Variants in BRINP1 observed in about 807,000 individuals in gnomAD.
BRINP1 encodes BMP/retinoic acid inducible neural specific 1, also known as BMP/retinoic acid-inducible neural-specific protein 1.
Under a neutral mutation model 72.9 loss-of-function variants are expected in BRINP1, and 17 were observed. The observed-to-expected ratio is 0.23, with a 90% CI of 0.16 to 0.35. The LOEUF (loss-of-function observed/expected upper bound fraction) is 0.35. Ranked by LOEUF, BRINP1 falls within the 10% of genes least tolerant of loss-of-function variation. The pLI, the probability that BRINP1 is intolerant of heterozygous loss-of-function variation, is 1.00. For synonymous variants in BRINP1, 418 were observed against 378.5 expected (o/e 1.10, Z -1.21); for missense variants, 850 against 1,001.6 (o/e 0.85, Z 2.04).
intron 3 of BRINP1, among the ~76,000 whole-genome samples, chr9:119,244,897 G>A (rs1434543543): frequency 6.6e-6 from 1 of 152,168 alleles, no homozygotes; most frequent in Non-Finnish European, 1.5e-5. Flanking sequence ...AAGAAAAGGG[G>A]ACTCTCAAAG....
chr9:119,212,953 C>T (rs1002304196), intron 6 of BRINP1, among the ~76,000 whole-genome samples: 1 of 152,184 alleles, frequency 6.6e-6, no homozygotes, highest in African/African-American at 2.4e-5. Context: ...GACAATCTAA[C>T]ATCAAGCTCT....
intron 5 of BRINP1, among the ~76,000 whole-genome samples, chr9:119,219,663 GA>G (rs1830017975): frequency 8.8e-6 from 1 of 113,038 alleles, no homozygotes; most frequent in African/African-American, 4.7e-5. Context: ...GAGAGAGAGA[GA>G]GAGAGAGAGA....
chr9:119,175,130 AAAGAC>A (rs1187572635), intron 7 of BRINP1, among the ~76,000 whole-genome samples: 8 of 150,344 alleles, frequency 5.3e-5, no homozygotes, highest in Non-Finnish European at 8.8e-5. Flanking sequence ...AAAAAAAAAA[AAAGAC>A]AAAAAAAAAA....
intron 1 of BRINP1, among the ~76,000 whole-genome samples, chr9:119,336,998 G>A (rs1831352435): frequency 6.6e-6 from 1 of 151,972 alleles, no homozygotes. Context: ...GAGGGAGAAG[G>A]GGCCAACCTC....
intron 2 of BRINP1, among the ~76,000 whole-genome samples, chr9:119,297,752 T>C (rs1830895255): frequency 6.6e-6 from 1 of 152,184 alleles, no homozygotes; most frequent in South Asian, 2.1e-4. Flanking sequence ...GGGCTAATTA[T>C]ACGGTAAGAC....
At chr9:119,280,461 G>A (rs1830699280) in intron 2 of BRINP1, among the ~76,000 whole-genome samples, 1 of 151,394 alleles carries the variant, frequency 6.6e-6, no homozygotes, top group African/African-American at 2.4e-5. Flanking sequence ...AGCCAGGATG[G>A]TCTCCATCTC....
At chr9:119,198,832 A>G (rs1829774147) in intron 7 of BRINP1, among the ~76,000 whole-genome samples, 1 of 151,930 alleles carries the variant, frequency 6.6e-6, no homozygotes, top group Non-Finnish European at 1.5e-5. Flanking sequence ...TCACCACGCC[A>G]GGCTGATTTT....
intron 1 of BRINP1, among the ~76,000 whole-genome samples, chr9:119,365,876 C>T (rs551085840): frequency 3.9e-5 from 6 of 152,052 alleles, no homozygotes; most frequent in East Asian, 3.9e-4. Context: ...CATCTAGCCC[C>T]GGAAAATCCT....
chr9:119,242,102 C>T lies in BRINP1; in HGVS notation c.524G>A (p.Arg175His), dbSNP rs151157979. ...ATGAAGCCTCCTCATGGTACCATCA[C>T]GGTCAACAAAGTAGGATGATGCGAG... is the stretch of plus-strand genomic sequence containing the variant. The part of the protein sequence containing the change: ...HQLASSYFVD[R>H]DGTMRRLHEI... Residue 175 changes from arginine to histidine, a missense_variant, in exon 4 of 8, where the codon CGT becomes CAT. Transcript: ENST00000265922. 83 of 1,614,098 alleles carry T rather than the reference C, an allele frequency of 5.1e-5. No homozygotes were observed. The East Asian group carries it at 6.0e-4, about 12-fold the overall frequency.
At chr9:119,169,874 T>G (rs2118818431) in intron 7 of BRINP1, among the ~76,000 whole-genome samples, 1 of 152,260 alleles carries the variant, frequency 6.6e-6, no homozygotes, top group South Asian at 2.1e-4. Context: ...AGGGGCACAC[T>G]GACACGTCAC....
intron 7 of BRINP1, among the ~76,000 whole-genome samples, chr9:119,188,684 A>T (rs1442886237): frequency 6.6e-6 from 1 of 152,140 alleles, no homozygotes; most frequent in African/African-American, 2.4e-5. Flanking sequence ...TGGGAGGCTG[A>T]GGTGGGAGGA....
chr9:119,350,791 C>T (rs959020625), intron 1 of BRINP1, among the ~76,000 whole-genome samples: 3 of 152,028 alleles, frequency 2.0e-5, no homozygotes, highest in Admixed American at 6.6e-5. Flanking sequence ...AACTGTAATA[C>T]CTGCTTCATG....
chr9:119,264,413 G>T (rs1456334043), intron 2 of BRINP1, among the ~76,000 whole-genome samples: 1 of 152,174 alleles, frequency 6.6e-6, no homozygotes, highest in Non-Finnish European at 1.5e-5. Flanking sequence ...CAAAGTGTGA[G>T]TTGGCTCATG....
chr9:119,307,433 C>G (rs1831009851), intron 2 of BRINP1, among the ~76,000 whole-genome samples: 1 of 152,078 alleles, frequency 6.6e-6, no homozygotes, highest in African/African-American at 2.4e-5. Flanking sequence ...GTTTGTATAT[C>G]TATACCACAG....
chr9:119,284,723 C>T (rs1460558290), intron 2 of BRINP1, among the ~76,000 whole-genome samples: 6 of 152,172 alleles, frequency 3.9e-5, no homozygotes, highest in Non-Finnish European at 7.3e-5. Flanking sequence ...GCTCCACTCC[C>T]TCTTTCTCAA....
At chr9:119,325,132 G>A (rs1831226951) in intron 1 of BRINP1, among the ~76,000 whole-genome samples, 1 of 151,096 alleles carries the variant, frequency 6.6e-6, no homozygotes, top group Non-Finnish European at 1.5e-5. Flanking sequence ...GAGAGAGAGA[G>A]AAAGAGAGAA....
intron 3 of BRINP1, among the ~76,000 whole-genome samples, chr9:119,247,657 C>CAA (rs3983912): frequency 1.4e-5 from 1 of 73,018 alleles, no homozygotes; most frequent in South Asian, 7.2e-4. Context: ...GACTCCGTCT[C>CAA]AAAAAAAAAA....
chr9:119,180,846 C>A (rs1829548716), intron 7 of BRINP1, among the ~76,000 whole-genome samples: 1 of 152,090 alleles, frequency 6.6e-6, no homozygotes, highest in Non-Finnish European at 1.5e-5. Context: ...AAACTATTTT[C>A]TAATTTTCAA....
chr9:119,353,198 T>C (rs1022703197), intron 1 of BRINP1, among the ~76,000 whole-genome samples: 3 of 152,234 alleles, frequency 2.0e-5, no homozygotes, highest in Admixed American at 6.5e-5. Flanking sequence ...GCCTGGAACA[T>C]AGAAGACTCT....
Sources: allele counts gnomAD v4.1 joint callset (sites outside exome capture counted in the v4.1 genomes callset), GRCh38; gene constraint gnomAD v4.1.1; transcripts MANE v1.5; gene names NCBI Gene and HGNC (gene_info 2026-07-23, HGNC 2026-07-21).